Variants in CUL4B observed in about 807,000 individuals in gnomAD.
CUL4B encodes the protein cullin 4B.
A neutral mutation model predicts 69.2 loss-of-function variants in CUL4B; 1 was observed. The observed-to-expected ratio is 0.01, with a 90% CI of 0.01 to 0.07. The LOEUF (loss-of-function observed/expected upper bound fraction) is 0.07. CUL4B is among the 10% of genes least tolerant of loss of function. CUL4B has a pLI of 1.00. For synonymous variants in CUL4B, 237 were observed against 223.2 expected (o/e 1.06, Z -0.55); for missense variants, 328 against 638.8 (o/e 0.51, Z 5.24).
chrX:120,566,359 A>G (rs865798414), upstream of CUL4B, among the ~76,000 whole-genome samples: 2 of 50,291 alleles, frequency 4.0e-5, no homozygotes, highest in East Asian at 1.1e-3. Flanking sequence ...ATATATATAT[A>G]TATATATATA....
At chrX:120,540,714 G>T in intron 10 of CUL4B, 152 bp from the exon 11 acceptor site, 1 of 474,811 alleles carries the variant, frequency 2.1e-6, no homozygotes, top group Non-Finnish European at 3.5e-6. Flanking sequence ...TGTTGCCCAG[G>T]CTAGTCTGAA....
At chrX:120,561,255 C>T (rs1925290149), upstream of CUL4B, 1 of 515,872 alleles carries the variant, frequency 1.9e-6, no homozygotes, top group Admixed American at 2.7e-5. Flanking sequence ...TTCGCTCCTG[C>T]TCCCGCTCCC....
chrX:120,538,614 T>C, intron 13 of CUL4B, 46 bp downstream of exon 13: 1 of 846,470 alleles, frequency 1.2e-6, no homozygotes, highest in Non-Finnish European at 1.8e-6. Context: ...GCTAACATTC[T>C]CCTTCAGGAA....
upstream of CUL4B, chrX:120,561,058 T>C (rs1440421754): frequency 1.0e-6 from 1 of 973,579 alleles, no homozygotes; most frequent in African/African-American, 2.0e-5. Context: ...CAGGGCTTGT[T>C]ATTGTCAATA....
chrX:120,560,691 C>A lies in CUL4B; in HGVS notation c.-53G>T. 1 of 1,182,878 alleles carries A rather than the reference C, an allele frequency of 8.5e-7. No homozygotes were observed. Among genetic ancestry groups the A allele is most frequent in the Non-Finnish European group, 1.1e-6 (1 of 887,159 alleles). ...AGCATCAAAAACCTACGTTTATATG[C>A]CTGCGTGCGTGTAGGAGAGAAGGTA... is the stretch of plus-strand genomic sequence containing the variant. On this transcript the variant is annotated 5_prime_UTR_variant, in exon 1 of 20. Transcript: ENST00000371322.
downstream of CUL4B, among the ~76,000 whole-genome samples, chrX:120,570,981 C>T (rs1925692812): frequency 1.1e-5 from 1 of 90,737 alleles, no homozygotes; most frequent in Non-Finnish European, 2.0e-5. Flanking sequence ...CGCTTGAGCC[C>T]AGGAGTTCGA....
upstream of CUL4B, among the ~76,000 whole-genome samples, chrX:120,566,345 G>GTGTATA (rs1491354858): frequency 4.9e-5 from 2 of 40,966 alleles, no homozygotes; most frequent in East Asian, 3.8e-3. Flanking sequence ...GTGTGTATAG[G>GTGTATA]TATATATATA....
Position 120,539,040 on chromosome X carries a change from A to G in CUL4B, c.1741+228T>C, listed in dbSNP as rs563431672. 9.0e-5 allele frequency among the ~76,000 whole-genome samples: 10 copies of G among 111,711 alleles called. No homozygotes were observed. In the South Asian group the frequency reaches 3.7e-3, roughly 42 times the overall value. On this transcript the variant is annotated intron_variant, in intron 12 of 19. Coordinates refer to ENST00000371322, the MANE Select transcript of CUL4B (RefSeq NM_001079872.2). ...TTGTGGACTGGTAGCTTTGGTGCCA[A>G]TATTTAAGAGATTAAGCCAAGTAGC...
At chrX:120,537,207 G>T (rs1318224005) in intron 14 of CUL4B, among the ~76,000 whole-genome samples, 173 bp from the exon 15 acceptor site, 1 of 112,140 alleles carries the variant, frequency 8.9e-6, no homozygotes, top group African/African-American at 3.2e-5. Context: ...AATGCACTAG[G>T]CAAGTACAGA....
At chrX:120,539,459 C>A in intron 11 of CUL4B, 87 bp from the exon 12 acceptor site, 1 of 494,109 alleles carries the variant, frequency 2.0e-6, no homozygotes, top group Non-Finnish European at 3.4e-6. Context: ...GAGTATGATA[C>A]ACTGAGTTTT....
At chrX:120,534,285 A>G (rs1296879958) in intron 17 of CUL4B, among the ~76,000 whole-genome samples, 196 bp downstream of exon 17, 2 of 105,703 alleles carry the variant, frequency 1.9e-5, no homozygotes, top group African/African-American at 7.0e-5. Flanking sequence ...GAGGCAGGAG[A>G]ATCACTTGAG....
In CUL4B at chrX:120,526,302, CA is replaced by C. The variant is rs1922965366; in HGVS notation, c.*458del. 1 of 114,261 alleles carries C rather than the reference CA, an allele frequency of 8.8e-6. No homozygotes were observed. Among genetic ancestry groups the C allele is most frequent in the Non-Finnish European group, 1.8e-5 (1 of 54,526 alleles). 9.4% of individuals were successfully genotyped at this position (114,261 alleles called of 1,213,427 possible). A position where few individuals can be genotyped will look rare whatever the true frequency, so the allele number is the denominator to read the frequency against. On this transcript the variant is annotated 3_prime_UTR_variant, in exon 20 of 20. Coordinates refer to ENST00000371322, the MANE Select transcript of CUL4B (RefSeq NM_001079872.2). ...TCACAAAACGGGTGAACAACCAAGTCAAGGGTGGTTTTTCTATTTGATAAAT... is the reference window on the plus strand; with the variant it reads ...TCACAAAACGGGTGAACAACCAAGTCAGGGTGGTTTTTCTATTTGATAAAT...
In CUL4B at chrX:120,574,494, G is replaced by C. The variant is rs959931025; in HGVS notation, c.67+57C>G. On this transcript the variant is annotated intron_variant, in intron 2 of 2. Transcript: ENST00000486604. ...ATTACAGGCGTGAGCCACCGCGCCC[G>C]GCCTGTTAACAATTATTTAGACTTA... 2.2e-5 allele frequency: 23 copies of C among 1,032,660 alleles called. No individual in the cohort carries two copies. The African/African-American group carries it at 3.5e-4, about 16-fold the overall frequency. 85.1% of individuals were successfully genotyped at this position (1,032,660 alleles called of 1,213,427 possible).
chrX:120,572,413 C>T (rs1925735617), intron 2 of CUL4B, among the ~76,000 whole-genome samples: 2 of 99,663 alleles, frequency 2.0e-5, no homozygotes, highest in Non-Finnish European at 4.0e-5. Context: ...TGCAGTGAGC[C>T]GAAATCATGC....
rs761600558 is a variant in CUL4B, at chrX:120,541,209, C to T, written c.1443+393G>A. On this transcript the variant is annotated intron_variant, in intron 10 of 19. Coordinates refer to ENST00000371322, the MANE Select transcript of CUL4B (RefSeq NM_001079872.2). ...CAAATTTAAAATTCCCTTAAAAGAA[C>T]TGGATCAAGTCCGGGTGTGGTGGCT... Among the ~76,000 whole-genome samples the T allele has an allele frequency of 3.3e-3, 371 of 112,614 alleles. 1 individual carries two copies. Among genetic ancestry groups the T allele is most frequent in the African/African-American group, 0.012 (360 of 31,074 alleles).
chrX:120,533,065 A>C (rs2147322200), intron 17 of CUL4B, among the ~76,000 whole-genome samples: 1 of 112,170 alleles, frequency 8.9e-6, no homozygotes, highest in South Asian at 3.7e-4. Flanking sequence ...TCTCCATATA[A>C]CTGTGTCCTC....
upstream of CUL4B, chrX:120,561,098 C>T: frequency 9.8e-7 from 1 of 1,022,679 alleles, no homozygotes. Context: ...GCGCCATTTC[C>T]GGTCACGCGG....
intron 13 of CUL4B, 37 bp downstream of exon 13, chrX:120,538,623 A>T (rs751376524): frequency 1.1e-6 from 1 of 894,920 alleles, no homozygotes; most frequent in South Asian, 2.0e-5. Flanking sequence ...CTCCTTCAGG[A>T]ATCAAAGAAA....
rs754043564 is a variant in CUL4B, at chrX:120,560,760, C to G, written c.-122G>C. The G allele has an allele frequency of 1.1e-5, 11 of 1,003,571 alleles. No individual in the cohort carries two copies. Among genetic ancestry groups the G allele is most frequent in the South Asian group, 9.2e-5 (3 of 32,660 alleles). 82.7% of individuals were successfully genotyped at this position (1,003,571 alleles called of 1,213,427 possible). A position where few individuals can be genotyped will look rare whatever the true frequency, so the allele number is the denominator to read the frequency against. On this transcript the variant is annotated 5_prime_UTR_variant, in exon 1 of 20. Coordinates refer to ENST00000371322, the MANE Select transcript of CUL4B (RefSeq NM_001079872.2). ...GGGAAGAAAGAAGAGAGGAGAAACA[C>G]AGAGGACGAGAAGGAAAGTGAAGGG... is the stretch of plus-strand genomic sequence containing the variant.
Sources: gnomAD v4.1 joint callset for allele counts (sites outside exome capture counted in the v4.1 genomes callset) on GRCh38, gnomAD v4.1.1 for gene constraint, MANE v1.5 for transcripts, NCBI Gene and HGNC (gene_info 2026-07-23, HGNC 2026-07-21) for gene names.